Variants in MYO3B observed in about 807,000 individuals in gnomAD.
MYO3B encodes myosin-IIIb.
MYO3B carries 156 observed loss-of-function variants against 174.6 expected under a neutral mutation model. The ratio of observed to expected loss-of-function variants is 0.89; its 90% CI spans 0.78 to 1.02. The LOEUF is 1.02. Ranked by LOEUF, MYO3B falls within the 50% of genes least tolerant of loss-of-function variation. The pLI, the probability that MYO3B is intolerant of heterozygous loss-of-function variation, is 0.00. For synonymous variants in MYO3B, 563 were observed against 569.1 expected, an observed-to-expected ratio of 0.99 and a Z score of 0.15; for missense variants, 1,632 against 1,639.4, an observed-to-expected ratio of 1.00 and a Z score of 0.08.
At chr2:170,390,494 A>G (rs1415171016) in intron 14 of MYO3B, among the ~76,000 whole-genome samples, 2 of 152,226 alleles carry the variant, frequency 1.3e-5, no homozygotes, top group Non-Finnish European at 2.9e-5. Flanking sequence ...TCTAGAATAC[A>G]GGGCAGGGAT....
At chr2:170,302,048 T>C (rs1269883072) in intron 7 of MYO3B, among the ~76,000 whole-genome samples, 1 of 151,970 alleles carries the variant, frequency 6.6e-6, no homozygotes, top group Non-Finnish European at 1.5e-5. Flanking sequence ...GACTGAAATG[T>C]GGGAGCAGGC....
chr2:170,499,409 G>A (rs1191478133), intron 26 of MYO3B, among the ~76,000 whole-genome samples: 1 of 152,164 alleles, frequency 6.6e-6, no homozygotes, highest in East Asian at 1.9e-4. Context: ...AGAGCATTTG[G>A]AATCGCTTAA....
rs188502478 is a variant in MYO3B at position 170,354,634 on chromosome 2, A to G, written c.816-14588A>G. 4.1e-4 allele frequency among the ~76,000 whole-genome samples: 63 copies of G among 151,996 alleles called. 1 individual carries two copies. Among genetic ancestry groups the G allele is most frequent in the East Asian group, 1.9e-3 (10 of 5,160 alleles). Reference sequence around the variant, plus strand: ...GTCTCCCCCTCCCCCTTCTTTCCCAACCTCTTGGGAACATGTGTTGGTTGC... The same window carrying G: ...GTCTCCCCCTCCCCCTTCTTTCCCAGCCTCTTGGGAACATGTGTTGGTTGC... On this transcript the variant is annotated intron_variant, in intron 8 of 34. Transcript: ENST00000408978.
chr2:170,553,533 T>C (rs2355891), intron 32 of MYO3B, among the ~76,000 whole-genome samples: 4,748 of 151,688 alleles, frequency 0.031, 229 homozygotes, highest in African/African-American at 0.11. Context: ...ACCCCCATTG[T>C]ATCTTAGAAG....
chr2:170,502,391 CAG>C (rs1285754285), intron 28 of MYO3B, among the ~76,000 whole-genome samples: 2 of 152,228 alleles, frequency 1.3e-5, no homozygotes, highest in Non-Finnish European at 2.9e-5. Context: ...AGGAATCACT[CAG>C]GGAGTTTCCC....
rs191433325 is a variant in MYO3B, at chr2:170,645,382, G to A, written c.3734-6246G>A. ...AGCTACTCAAGAGACTGAGGGAGGAGAATCGCTTGAACCCCGGTGGAGGTT... is the reference window on the plus strand; with the variant it reads ...AGCTACTCAAGAGACTGAGGGAGGAAAATCGCTTGAACCCCGGTGGAGGTT... On this transcript the variant is annotated intron_variant, in intron 32 of 34. Transcript: ENST00000408978. 1.7e-3 allele frequency among the ~76,000 whole-genome samples: 258 copies of A among 147,720 alleles called. 1 individual carries two copies. The highest frequency in any genetic ancestry group is 6.3e-3 in the African/African-American group (253 of 40,042).
At chr2:170,441,216 C>T (rs2094798599) in intron 22 of MYO3B, among the ~76,000 whole-genome samples, 1 of 152,194 alleles carries the variant, frequency 6.6e-6, no homozygotes, top group Non-Finnish European at 1.5e-5. Context: ...TGTGAACGGA[C>T]ATTAATTTTA....
chr2:170,451,105 C>G (rs1431829752), intron 23 of MYO3B, among the ~76,000 whole-genome samples: 1 of 152,188 alleles, frequency 6.6e-6, no homozygotes. Context: ...ATTCCCATGC[C>G]TTCTTATAAT....
intron 32 of MYO3B, among the ~76,000 whole-genome samples, chr2:170,621,514 T>G (rs887379129): frequency 2.8e-5 from 4 of 141,706 alleles, no homozygotes; most frequent in Non-Finnish European, 6.1e-5. Flanking sequence ...TTTGTTTTTT[T>G]GTTTTTTTGT....
At chr2:170,242,336 C>G (rs919161266) in intron 7 of MYO3B, among the ~76,000 whole-genome samples, 2 of 152,056 alleles carry the variant, frequency 1.3e-5, no homozygotes, top group Admixed American at 1.3e-4. Context: ...GATTTCTAAT[C>G]CCATTTTTAA....
intron 7 of MYO3B, among the ~76,000 whole-genome samples, chr2:170,277,221 G>T (rs1457390028): frequency 6.6e-6 from 1 of 152,178 alleles, no homozygotes; most frequent in African/African-American, 2.4e-5. Context: ...AGGTTTGGGG[G>T]CTCACATAAT....
At chr2:170,565,017 C>T (rs1691974215) in intron 32 of MYO3B, among the ~76,000 whole-genome samples, 1 of 152,020 alleles carries the variant, frequency 6.6e-6, no homozygotes. Context: ...GGGGGAAAAA[C>T]TCCTTTAGAA....
At chr2:170,561,043 C>T (rs1691677738) in intron 32 of MYO3B, among the ~76,000 whole-genome samples, 2 of 152,174 alleles carry the variant, frequency 1.3e-5, no homozygotes, top group African/African-American at 4.8e-5. Context: ...ACTTGGGTTG[C>T]CATTAAGAAA....
intron 8 of MYO3B, among the ~76,000 whole-genome samples, chr2:170,352,236 A>G (rs1377581156): frequency 6.6e-6 from 1 of 152,206 alleles, no homozygotes; most frequent in Non-Finnish European, 1.5e-5. Context: ...TACAGGTGTG[A>G]GCCACCGTGC....
At chr2:170,549,399 C>CT (rs1690739075) in intron 32 of MYO3B, among the ~76,000 whole-genome samples, 1 of 152,158 alleles carries the variant, frequency 6.6e-6, no homozygotes, top group African/African-American at 2.4e-5. Context: ...GCATGTGGAA[C>CT]CTGGCATCAG....
chr2:170,237,002 G>A (rs2093077677), intron 7 of MYO3B, among the ~76,000 whole-genome samples: 1 of 152,158 alleles, frequency 6.6e-6, no homozygotes, highest in African/African-American at 2.4e-5. Flanking sequence ...ATATGCAGAT[G>A]AGGCTCTCTG....
intron 23 of MYO3B, among the ~76,000 whole-genome samples, chr2:170,453,637 C>T (rs1209987055): frequency 1.3e-5 from 2 of 152,216 alleles, no homozygotes; most frequent in South Asian, 2.1e-4. Context: ...GGGACCAAGC[C>T]CCATTACAAA....
At chr2:170,508,133 A>G (rs1048789443) in intron 28 of MYO3B, among the ~76,000 whole-genome samples, 4 of 152,124 alleles carry the variant, frequency 2.6e-5, no homozygotes, top group African/African-American at 9.7e-5. Context: ...AGGTACCCCT[A>G]GGACTCGATA....
intron 28 of MYO3B, among the ~76,000 whole-genome samples, chr2:170,510,782 C>A (rs140871181): frequency 6.6e-6 from 1 of 152,116 alleles, no homozygotes; most frequent in East Asian, 1.9e-4. Flanking sequence ...TATAGTCTTA[C>A]CTCTTCCAGA....
Sources: gnomAD v4.1 joint callset for allele counts (sites outside exome capture counted in the v4.1 genomes callset) on GRCh38, gnomAD v4.1.1 for gene constraint, MANE v1.5 for transcripts, NCBI Gene and HGNC (gene_info 2026-07-23, HGNC 2026-07-21) for gene names.